RALGPS2: variants seen among roughly 807,000 people sequenced by gnomAD.
The protein encoded by RALGPS2 is ras-specific guanine nucleotide-releasing factor RalGPS2.
RALGPS2 carries 43 observed loss-of-function variants against 86.8 expected under a neutral mutation model. The ratio of observed to expected loss-of-function variants is 0.50; its 90% CI spans 0.39 to 0.64. RALGPS2 has a LOEUF of 0.64. Among genes scored for constraint, RALGPS2 ranks in the 30% least tolerant of loss-of-function variants. The pLI, the probability that RALGPS2 is intolerant of heterozygous loss-of-function variation, is 0.00. For missense variants in RALGPS2, 536 were observed against 694.6 expected, an observed-to-expected ratio of 0.77 and a Z score of 2.57; for synonymous variants, 243 against 231.3, an observed-to-expected ratio of 1.05 and a Z score of -0.46.
rs186864751 is a variant in RALGPS2, at chr1:178,775,192, A to G, written c.-83-1490A>G. Among the ~76,000 whole-genome samples the G allele has an allele frequency of 2.4e-4, 37 of 152,252 alleles. No individual in the cohort carries two copies. In the East Asian group the frequency reaches 6.5e-3, roughly 27 times the overall value. On this transcript the variant is annotated intron_variant, in intron 1 of 19. Coordinates refer to ENST00000367635, the MANE Select transcript of RALGPS2 (RefSeq NM_152663.5). ...TCTCATTTCGCTTCACCACAACTCT[A>G]TGAAGTAGGTACTTATTATCCCTAT...
chr1:178,744,157 A>C (rs1651181601), intron 1 of RALGPS2, among the ~76,000 whole-genome samples: 1 of 152,180 alleles, frequency 6.6e-6, no homozygotes, highest in African/African-American at 2.4e-5. Context: ...AATACATCAT[A>C]ATTAACTGGG....
Position 178,835,475 on chromosome 1 carries a change from C to T in RALGPS2, c.607+1925C>T, listed in dbSNP as rs1297110801. The stretch of plus-strand genomic sequence containing the variant: ...TGGCACAGTCTCAGCTCACTGCAAC[C>T]TCCGCCTCCTGGGTTCAAGTGATTC... On this transcript the variant is annotated intron_variant, in intron 8 of 19. Coordinates refer to ENST00000367635, the MANE Select transcript of RALGPS2 (RefSeq NM_152663.5). Among the ~76,000 whole-genome samples the T allele has an allele frequency of 2.0e-5, 3 of 151,406 alleles. No homozygotes were observed. The East Asian group carries it at 5.8e-4, about 29-fold the overall frequency.
chr1:178,780,260 A>G (rs56310198), intron 2 of RALGPS2, among the ~76,000 whole-genome samples: 6,135 of 152,234 alleles, frequency 0.04, 148 homozygotes, highest in Non-Finnish European at 0.057. Context: ...TTTAGCAGCT[A>G]TCTTAGAGCC....
chr1:178,901,111 G>A (rs73039878), intron 17 of RALGPS2, among the ~76,000 whole-genome samples: 3,311 of 152,032 alleles, frequency 0.022, 139 homozygotes, highest in African/African-American at 0.076. Context: ...AATGTGCCAT[G>A]TTCATTCTTT....
At chr1:178,745,516 C>G (rs1651266694) in intron 1 of RALGPS2, among the ~76,000 whole-genome samples, 1 of 152,180 alleles carries the variant, frequency 6.6e-6, no homozygotes. Context: ...AAAGGCAGTT[C>G]AGCAGAGAAA....
rs188232619 is a variant in RALGPS2, at chr1:178,758,178, T to C, written c.-83-18504T>C. On this transcript the variant is annotated intron_variant, in intron 1 of 19. Coordinates refer to ENST00000367635, the MANE Select transcript of RALGPS2 (RefSeq NM_152663.5). Reference sequence around the variant, plus strand: ...TTGCTTATTTGGATCTCCTTTCTTCTTAGTTTATCTATCTGGTGGTCTGTT... The same window carrying C: ...TTGCTTATTTGGATCTCCTTTCTTCCTAGTTTATCTATCTGGTGGTCTGTT... Among the ~76,000 whole-genome samples the C allele has an allele frequency of 1.6e-4, 25 of 152,298 alleles. No homozygotes were observed. In the East Asian group the frequency reaches 4.6e-3, roughly 28 times the overall value.
chr1:178,879,154 T>C, intron 10 of RALGPS2, 162 bp downstream of exon 10: 3 of 981,908 alleles, frequency 3.1e-6, no homozygotes, highest in Non-Finnish European at 2.8e-6. Flanking sequence ...CTTAATCACT[T>C]GTTATGATTG....
chr1:178,883,705 G>C (rs1271326818), intron 11 of RALGPS2, among the ~76,000 whole-genome samples, 172 bp downstream of exon 11: 3 of 151,990 alleles, frequency 2.0e-5, no homozygotes, highest in African/African-American at 7.3e-5. Context: ...AAAGTTGCTG[G>C]CCGGGCAGGG....
At position 178,834,827 on chromosome 1, in the gene RALGPS2, G is replaced by C. The variant is rs142164349; in HGVS notation, c.607+1277G>C. 2.0e-5 allele frequency among the ~76,000 whole-genome samples: 3 copies of C among 152,262 alleles called. No homozygotes were observed. The East Asian group carries it at 5.8e-4, about 29-fold the overall frequency. ...CAGCCTCGCTCTGTTTCCTAGGCTG[G>C]AGCTCAGAAGTGCGATCGCTGCTTG... On this transcript the variant is annotated intron_variant, in intron 8 of 19. Coordinates refer to ENST00000367635, the MANE Select transcript of RALGPS2 (RefSeq NM_152663.5).
At chr1:178,836,816 T>G (rs1656295850) in intron 8 of RALGPS2, among the ~76,000 whole-genome samples, 1 of 152,172 alleles carries the variant, frequency 6.6e-6, no homozygotes, top group South Asian at 2.1e-4. Context: ...GGTCTCACTC[T>G]GTCATCCAGG....
chr1:178,848,288 G>A (rs971379200), intron 8 of RALGPS2, among the ~76,000 whole-genome samples: 1 of 151,990 alleles, frequency 6.6e-6, no homozygotes, highest in African/African-American at 2.4e-5. Context: ...TCCAGCCTGG[G>A]TGACATAGTG....
At chr1:178,906,738 C>T (rs990141203) in intron 18 of RALGPS2, 38 bp from the exon 19 acceptor site, 3 of 1,525,106 alleles carry the variant, frequency 2.0e-6, no homozygotes, top group Non-Finnish European at 2.7e-6. Context: ...GTCGTCCTTA[C>T]ATTTTTAATA....
intron 1 of RALGPS2, among the ~76,000 whole-genome samples, chr1:178,764,653 T>C (rs1009563863): frequency 6.6e-6 from 1 of 152,236 alleles, no homozygotes. Context: ...AAGGCAGATC[T>C]GGTGTAATGA....
intron 1 of RALGPS2, among the ~76,000 whole-genome samples, chr1:178,756,228 T>C (rs1297252422): frequency 6.6e-6 from 1 of 152,322 alleles, no homozygotes; most frequent in African/African-American, 2.4e-5. Context: ...TCATAAGTTA[T>C]TTCCCAAGGC....
intron 1 of RALGPS2, among the ~76,000 whole-genome samples, chr1:178,768,800 TC>T (rs773740186): frequency 5.8e-4 from 89 of 152,298 alleles, no homozygotes; most frequent in African/African-American, 2.1e-3. Flanking sequence ...CAGAAGTGTG[TC>T]CAGGTGTGGA....
rs563260092 is a variant in RALGPS2 at position 178,901,665 on chromosome 1, G to A, written c.1525-441G>A. Among the ~76,000 whole-genome samples the A allele has an allele frequency of 2.7e-5, 4 of 150,320 alleles. No individual in the cohort carries two copies. In the South Asian group the frequency reaches 8.4e-4, roughly 32 times the overall value. On this transcript the variant is annotated intron_variant, in intron 17 of 19. Transcript: ENST00000367635. ...ATCACACCACTGCACCACAGCCTGG[G>A]CAACAGAGTGAGACTGTCTCAAAAA...
At chr1:178,727,913 A>G (rs1650121056) in intron 1 of RALGPS2, among the ~76,000 whole-genome samples, 1 of 151,436 alleles carries the variant, frequency 6.6e-6, no homozygotes, top group Non-Finnish European at 1.5e-5. Context: ...AGAAGTAGAA[A>G]CTCCTCTGAT....
In RALGPS2 at chr1:178,746,718, G is replaced by A. The variant is rs368895990; in HGVS notation, c.-84+21299G>A. ...GTCAATCTTGGCCTTTTTCTTTTTC[G>A]TTCATTCTCATTTAGCCTCTATTTC... On this transcript the variant is annotated intron_variant, in intron 1 of 19. Coordinates refer to ENST00000367635, the MANE Select transcript of RALGPS2 (RefSeq NM_152663.5). 4.6e-5 allele frequency: 36 copies of A among 777,304 alleles called. No homozygotes were observed. In the East Asian group the frequency reaches 5.6e-4, roughly 12 times the overall value. 48.2% of individuals were successfully genotyped at this position (777,304 alleles called of 1,614,324 possible).
intron 1 of RALGPS2, among the ~76,000 whole-genome samples, chr1:178,729,436 A>G (rs1255844053): frequency 6.6e-6 from 1 of 152,114 alleles, no homozygotes; most frequent in Non-Finnish European, 1.5e-5. Flanking sequence ...ATGCTCAGAT[A>G]TTTGTGGGGT....
Sources: allele counts gnomAD v4.1 joint callset (sites outside exome capture counted in the v4.1 genomes callset), GRCh38; gene constraint gnomAD v4.1.1; transcripts MANE v1.5; gene names NCBI Gene and HGNC (gene_info 2026-07-23, HGNC 2026-07-21).